The following SPTBN5 variants were observed in gnomAD, a reference collection of about 807,000 sequenced individuals.
SPTBN5 encodes the protein spectrin beta, non-erythrocytic 5, also known as spectrin beta chain, non-erythrocytic 5.
A neutral mutation model predicts 477.6 loss-of-function variants in SPTBN5; 513 were observed. That is an observed-to-expected ratio of 1.07 (90% confidence interval 1.00 to 1.16). The LOEUF (loss-of-function observed/expected upper bound fraction) is 1.16, where lower values mean the gene tolerates loss of function less well. SPTBN5 is among the 50% of genes most tolerant of loss of function. The pLI is 0.00. For synonymous variants in SPTBN5, 2,169 were observed against 2,011.7 expected (o/e 1.08, Z -2.09); for missense variants, 5,062 against 4,731.8 (o/e 1.07, Z -2.05).
At position 41,852,290 on chromosome 15, in the gene SPTBN5, T is replaced by A; in HGVS notation, c.10476A>T (p.Pro3492=). ...CAGCTCTCCCGGGCTTCAGCTCCTG[T>A]GGCTGCAGCAGGAGCTCCTGTTCCA... ...TEMEQELLLQ[P]QELKPGRAGS... Residue 3492 remains proline, a synonymous_variant, in exon 62 of 68, where the codon CCA becomes CCT. Transcript: ENST00000320955. The A allele has an allele frequency of 6.3e-7, 1 of 1,597,792 alleles. No individual in the cohort carries two copies. The highest frequency in any genetic ancestry group is 1.7e-5 in the Admixed American group (1 of 57,628).
intron 45 of SPTBN5, 61 bp downstream of exon 45, chr15:41,861,674 G>A (rs2066112923): frequency 6.6e-7 from 1 of 1,506,950 alleles, no homozygotes; most frequent in African/African-American, 1.4e-5. Context: ...AGAGGCTGTG[G>A]GGTCAGCGCA....
Position 41,866,093 on chromosome 15 carries a change from T to C in SPTBN5, c.6767A>G (p.Asn2256Ser), listed in dbSNP as rs916744898. 5.4e-5 allele frequency: 84 copies of C among 1,557,188 alleles called. No individual in the cohort carries two copies. The highest frequency in any genetic ancestry group is 7.0e-5 in the Non-Finnish European group (81 of 1,150,968). The change falls in exon 38 of 68, where the codon AAC (asparagine) becomes AGC (serine). Residue 2256 changes from asparagine (N) to serine (S), a missense_variant. Transcript: ENST00000320955. ...LRGQELEDRR[N>S]FLEFLQRVDL... ...CACTCTCTGCAGGAACTCCAGGAAG[T>C]TCCGCCTGTCCTCCAGCTCCTGGCC...
In SPTBN5 at chr15:41,876,274, T is replaced by C; in HGVS notation, c.3962A>G (p.Gln1321Arg). ...CCACTGCATCAGCTCTGCCACATCC[T>C]GCTTCCACTCCTGCCAAGAACCAGG... is the stretch of plus-strand genomic sequence containing the variant. ...LASLQLQEWKQDVAELMQWME... is the reference protein window; with the variant it reads ...LASLQLQEWKRDVAELMQWME... Residue 1321 changes from glutamine (Q) to arginine (R), a missense_variant, in exon 21 of 68, where the codon CAG becomes CGG. Transcript: ENST00000320955. 2 of 1,569,914 alleles carry C rather than the reference T, an allele frequency of 1.3e-6. No individual in the cohort carries two copies.
intron 7 of SPTBN5, among the ~76,000 whole-genome samples, chr15:41,884,025 G>C (rs1011042450): frequency 6.6e-6 from 1 of 151,424 alleles, no homozygotes; most frequent in African/African-American, 2.4e-5. Context: ...TCACTCCTTC[G>C]CCCAGGCCGG....
chr15:41,877,485 G>A (rs1247900447), intron 17 of SPTBN5, 129 bp from the exon 18 acceptor site: 1 of 1,332,006 alleles, frequency 7.5e-7, no homozygotes, highest in African/African-American at 1.5e-5. Flanking sequence ...GCCCAGCAGA[G>A]TGCTTAGGGT....
In SPTBN5 at chr15:41,856,453, C is replaced by G; in HGVS notation, c.8954G>C (p.Arg2985Pro). Residue 2985 changes from arginine (R) to proline (P), a missense_variant, in exon 53 of 68, where the codon CGG (arginine) becomes CCG (proline). Coordinates refer to ENST00000320955, the MANE Select transcript of SPTBN5 (RefSeq NM_016642.4). ...QQLEKAMAHL[R>P]AEAARRRLLL... ...AAGCCGCCTCCGCGCCGCCTCTGCC[C>G]GCAGGTGGGCCATGGCCTTCTCCAG... The G allele has an allele frequency of 6.3e-7, 1 of 1,595,742 alleles. No homozygotes were observed. The highest frequency in any genetic ancestry group is 8.5e-7 in the Non-Finnish European group (1 of 1,172,076).
rs367982601 is a variant in SPTBN5 at position 41,854,081 on chromosome 15, C to T, written c.9743G>A (p.Arg3248Gln). The T allele has an allele frequency of 3.4e-5, 53 of 1,577,502 alleles. No individual in the cohort carries two copies. The highest frequency in any genetic ancestry group is 4.6e-5 in the South Asian group (4 of 86,322). The change falls in exon 57 of 68, where the codon CGG (arginine) becomes CAG (glutamine). Residue 3248 changes from arginine to glutamine, a missense_variant. Transcript: ENST00000320955. ...EDGGHSLSSV[R>Q]TLQQQHRRLE... is the part of the protein sequence containing the mutation. ...GCGCCTGTGCTGTTGCTGCAGGGTCCGCACAGATGACAGGCTGTGGCCTCC... is the reference window on the plus strand; with the variant it reads ...GCGCCTGTGCTGTTGCTGCAGGGTCTGCACAGATGACAGGCTGTGGCCTCC...
At position 41,886,394 on chromosome 15, in the gene SPTBN5, G is replaced by A. The variant is rs760868758; in HGVS notation, c.889-28C>T. On this transcript the variant is annotated intron_variant, in intron 6 of 67. Transcript: ENST00000320955. ...GGTGGAGGGCATAGGAAGGGGTCAGGGTCCTTCTCAGGGCAGGCCCTGGAA... is the reference window on the plus strand; with the variant it reads ...GGTGGAGGGCATAGGAAGGGGTCAGAGTCCTTCTCAGGGCAGGCCCTGGAA... The A allele has an allele frequency of 2.4e-5, 38 of 1,554,056 alleles. No homozygotes were observed. In the Admixed American group the frequency reaches 6.6e-4, roughly 27 times the overall value.
chr15:41,866,946 G>A lies in SPTBN5; in HGVS notation c.6480+13C>T, dbSNP rs1305412014. On this transcript the variant is annotated intron_variant, in intron 36 of 67. Transcript: ENST00000320955. ...TTCCAGTGGAAGGCCCTGGGCTGGGGGTGCCCTCTGACCTGGGTTGCGGCC... is the reference window on the plus strand; with the variant it reads ...TTCCAGTGGAAGGCCCTGGGCTGGGAGTGCCCTCTGACCTGGGTTGCGGCC... The A allele has an allele frequency of 2.6e-5, 40 of 1,566,388 alleles. No homozygotes were observed. Among genetic ancestry groups the A allele is most frequent in the Non-Finnish European group, 3.5e-5 (40 of 1,155,732 alleles).
At chr15:41,854,352 A>G (rs989079969) in intron 56 of SPTBN5, 147 bp from the exon 57 acceptor site, 64 of 719,576 alleles carry the variant, frequency 8.9e-5, no homozygotes, top group Middle Eastern at 4.8e-4. Context: ...ACCATCCTCC[A>G]TGCTGCAGCC....
chr15:41,887,935 C>T lies in SPTBN5; in HGVS notation c.652G>A (p.Ala218Thr), dbSNP rs2067205079. Residue 218 changes from alanine (A) to threonine (T), a missense_variant, in exon 5 of 68, where the codon GCC becomes ACC. Ala to Thr is a moderately conservative substitution (Grantham distance 58). Transcript: ENST00000320955. ...DGLGFNALIHAHRPDLLDYGS... is the reference protein window; with the variant it reads ...DGLGFNALIHTHRPDLLDYGS... ...ACAAGGGTGGGGTCACACCTGTGGG[C>T]ATGGATGAGGGCATTGAAGCCCAGC... 1 of 1,609,502 alleles carries T rather than the reference C, an allele frequency of 6.2e-7. No individual in the cohort carries two copies. Among genetic ancestry groups the T allele is most frequent in the Non-Finnish European group, 8.5e-7 (1 of 1,178,276 alleles).
intron 52 of SPTBN5, 98 bp from the exon 53 acceptor site, chr15:41,856,696 C>T: frequency 7.3e-7 from 1 of 1,371,836 alleles, no homozygotes. Context: ...AACTTGTCCC[C>T]AAGGAGTTCC....
chr15:41,872,337 C>T lies in SPTBN5; in HGVS notation c.5130G>A (p.Glu1710=). The T allele has an allele frequency of 6.2e-7, 1 of 1,611,162 alleles. No individual in the cohort carries two copies. The highest frequency in any genetic ancestry group is 8.5e-7 in the Non-Finnish European group (1 of 1,179,724). The stretch of plus-strand genomic sequence containing the variant: ...CCAACTCCTGCAGTGCCCGCAGCTG[C>T]TCCCGGAGCCTCTCCTGCACCACAC... The part of the protein sequence containing the change: ...QQRVVQERLR[E]QLRALQELAA... The change falls in exon 27 of 68, where the codon GAG becomes GAA. Residue 1710 remains glutamate, a synonymous_variant. Coordinates refer to ENST00000320955, the MANE Select transcript of SPTBN5 (RefSeq NM_016642.4).
intron 67 of SPTBN5, among the ~76,000 whole-genome samples, chr15:41,849,663 C>A (rs1296408642): frequency 6.6e-6 from 1 of 152,172 alleles, no homozygotes; most frequent in Non-Finnish European, 1.5e-5. Flanking sequence ...GAGGGGACCA[C>A]TGTAGAGTCT....
In SPTBN5 at chr15:41,872,476, C is replaced by G. The variant is rs1325777916; in HGVS notation, c.5008-17G>C. 6.5e-7 allele frequency: 1 copy of G among 1,546,086 alleles called. No individual in the cohort carries two copies. Among genetic ancestry groups the G allele is most frequent in the East Asian group, 2.4e-5 (1 of 40,860 alleles). On this transcript the variant is annotated splice_polypyrimidine_tract_variant and intron_variant, in intron 26 of 67. Coordinates refer to ENST00000320955, the MANE Select transcript of SPTBN5 (RefSeq NM_016642.4). Reference sequence around the variant, plus strand: ...CTGTAGAGCCTATGATGCATGAGGACCCATGCCAGGCTCAGCCTGGGTGAC... The same window carrying G: ...CTGTAGAGCCTATGATGCATGAGGAGCCATGCCAGGCTCAGCCTGGGTGAC...
Position 41,871,924 on chromosome 15 carries a change from TA to T in SPTBN5, c.5166-8del. On this transcript the variant is annotated splice_polypyrimidine_tract_variant and splice_region_variant and intron_variant, in intron 27 of 67. Coordinates refer to ENST00000320955, the MANE Select transcript of SPTBN5 (RefSeq NM_016642.4). Reference sequence around the variant, plus strand: ...CCCCTCCAGTTCCCGGTCCCTGTGGTAACAGTCCGTGGTTCCCCAGAAGTGA... The same window carrying T: ...CCCCTCCAGTTCCCGGTCCCTGTGGTACAGTCCGTGGTTCCCCAGAAGTGA... 1 of 1,560,376 alleles carries T rather than the reference TA, an allele frequency of 6.4e-7. No individual in the cohort carries two copies.
Position 41,863,913 on chromosome 15 carries a change from T to C in SPTBN5, c.7030A>G (p.Asn2344Asp). 6.2e-7 allele frequency: 1 copy of C among 1,613,816 alleles called. No homozygotes were observed. The change falls in exon 40 of 68, where the codon AAC becomes GAC. Residue 2344 changes from asparagine to aspartate, a missense_variant. Physicochemically the swap from Asn to Asp is conservative, Grantham distance 23. Coordinates refer to ENST00000320955, the MANE Select transcript of SPTBN5 (RefSeq NM_016642.4). ...TCTCCCCAGCCTGGGACTGGCCTGT[T>C]GTTGAGCTGGCTTCGCCGCTGGCAG... ...IICQRRSQLN[N>D]RWASFHGNLL...
intron 60 of SPTBN5, 36 bp from the exon 61 acceptor site, chr15:41,852,771 G>GGGC (rs1555460256): frequency 7.0e-6 from 11 of 1,570,136 alleles, no homozygotes; most frequent in Non-Finnish European, 6.8e-6. Context: ...GCCCAGCTTG[G>GGGC]GGGGGGGGGC....
chr15:41,882,194 G>A, intron 11 of SPTBN5, 49 bp from the exon 12 acceptor site: 1 of 1,482,426 alleles, frequency 6.7e-7, no homozygotes, highest in Non-Finnish European at 8.9e-7. Flanking sequence ...GCGGCTGAGC[G>A]CGGGCAGGTG....
Sources: allele counts gnomAD v4.1 joint callset (sites outside exome capture counted in the v4.1 genomes callset), GRCh38; gene constraint gnomAD v4.1.1; transcripts MANE v1.5; gene names NCBI Gene and HGNC (gene_info 2026-07-23, HGNC 2026-07-21).